SAR1A: variants seen among roughly 807,000 people sequenced by gnomAD.
The protein encoded by SAR1A is secretion associated Ras related GTPase 1A.
SAR1A carries 6 observed loss-of-function variants against 22.6 expected under a neutral mutation model. The observed-to-expected ratio is 0.27, with a 90% CI of 0.15 to 0.52. The LOEUF (loss-of-function observed/expected upper bound fraction) is 0.52, where lower values mean the gene tolerates loss of function less well. SAR1A is among the 20% of genes least tolerant of loss of function. The probability of loss-of-function intolerance (pLI) is 0.96; values close to 1 mark genes in which losing one functional copy is unlikely to be tolerated. For missense variants in SAR1A, 145 were observed against 245.1 expected (o/e 0.59, Z 2.73); for synonymous variants, 70 against 82.2 (o/e 0.85, Z 0.80).
At position 70,153,956 on chromosome 10, in the gene SAR1A, T is replaced by G; in HGVS notation, c.362A>C (p.Asp121Ala). ...SKVELNALMT[D>A]ETISNVPILI... ...GATTGGCACATTGGATATTGTTTCA[T>G]CAGTCATTAAAGCCTAAAGATTGAA... Residue 121 changes from aspartate (D) to alanine (A), a missense_variant, in exon 6 of 7, where the codon GAT becomes GCT. Physicochemically the swap from Asp to Ala is moderately radical, Grantham distance 126. This residue lies in a region of SAR1A where 83 missense variants were observed against 114.7 expected (regional missense o/e 0.72). Coordinates refer to ENST00000373241, the MANE Select transcript of SAR1A (RefSeq NM_020150.5). 6.3e-7 allele frequency: 1 copy of G among 1,586,202 alleles called. No individual in the cohort carries two copies. Among genetic ancestry groups the G allele is most frequent in the Non-Finnish European group, 8.6e-7 (1 of 1,168,868 alleles).
At chr10:70,156,165 A>T (rs114307305) in intron 5 of SAR1A, among the ~76,000 whole-genome samples, 1 of 152,288 alleles carries the variant, frequency 6.6e-6, no homozygotes, top group African/African-American at 2.4e-5. Flanking sequence ...AGAGCTCAGG[A>T]GAGGTCTAGA....
chr10:70,169,286 A>C (rs1347121333), intron 1 of SAR1A, among the ~76,000 whole-genome samples: 2 of 152,132 alleles, frequency 1.3e-5, no homozygotes, highest in Non-Finnish European at 2.9e-5. Context: ...AAAAACTAAA[A>C]CTTCTTTAAC....
chr10:70,152,743 T>C (rs1839340093), intron 6 of SAR1A, 151 bp from the exon 7 acceptor site: 1 of 618,310 alleles, frequency 1.6e-6, no homozygotes, highest in African/African-American at 1.8e-5. Flanking sequence ...TATAGATGAC[T>C]TCCCCAGGCT....
Position 70,148,271 on chromosome 10 carries a change from T to G in SAR1A, c.*4205A>C, listed in dbSNP as rs888396474. 1.3e-5 allele frequency: 2 copies of G among 152,252 alleles called. No homozygotes were observed. Among genetic ancestry groups the G allele is most frequent in the African/African-American group, 4.8e-5 (2 of 41,460 alleles). The allele number at this position is 152,252 out of a possible 1,614,324, so 9.4% of individuals were successfully genotyped here. On this transcript the variant is annotated 3_prime_UTR_variant, in exon 7 of 7. Coordinates refer to ENST00000373241, the MANE Select transcript of SAR1A (RefSeq NM_020150.5). ...TTCTGCCTGAATTCTTTAAATAAAG[T>G]TAACACTGCTTGGTATAACCCCAGC... is the stretch of plus-strand genomic sequence containing the variant.
At chr10:70,165,638 A>G (rs1231083640) in intron 1 of SAR1A, among the ~76,000 whole-genome samples, 3 of 152,234 alleles carry the variant, frequency 2.0e-5, no homozygotes, top group African/African-American at 7.2e-5. Flanking sequence ...ATAAGCAAAA[A>G]AAGTGGTTTT....
At chr10:70,169,407 C>T (rs1256814014) in intron 1 of SAR1A, among the ~76,000 whole-genome samples, 1 of 152,086 alleles carries the variant, frequency 6.6e-6, no homozygotes, top group Non-Finnish European at 1.5e-5. Context: ...ATTCTTGGTC[C>T]ATTGTACCAC....
rs527982098 is a variant in SAR1A, at chr10:70,150,706, C to T, written c.*1770G>A. ...ATTCACTGTTAGCTAGATTTGTTCACTTAAGGCTTTAACCCCTTTCCAAAC... is the reference window on the plus strand; with the variant it reads ...ATTCACTGTTAGCTAGATTTGTTCATTTAAGGCTTTAACCCCTTTCCAAAC... On this transcript the variant is annotated 3_prime_UTR_variant, in exon 7 of 7. Transcript: ENST00000373241. The T allele has an allele frequency of 2.0e-5, 3 of 152,248 alleles. No homozygotes were observed. Among genetic ancestry groups the T allele is most frequent in the Non-Finnish European group, 4.4e-5 (3 of 68,024 alleles). The allele number at this position is 152,248 out of a possible 1,614,324, so 9.4% of individuals were successfully genotyped here.
At chr10:70,152,994 G>A (rs1167067499) in intron 6 of SAR1A, among the ~76,000 whole-genome samples, 1 of 152,132 alleles carries the variant, frequency 6.6e-6, no homozygotes, top group East Asian at 1.9e-4. Flanking sequence ...ATAACAGGTG[G>A]CACTGAAGAA....
chr10:70,160,143 C>T (rs1839449700), intron 4 of SAR1A, among the ~76,000 whole-genome samples: 2 of 150,750 alleles, frequency 1.3e-5, no homozygotes, highest in South Asian at 2.1e-4. Flanking sequence ...TATATGATAC[C>T]GTATACCTGG....
chr10:70,153,543 C>T (rs558252322), intron 6 of SAR1A, among the ~76,000 whole-genome samples: 2 of 152,278 alleles, frequency 1.3e-5, no homozygotes, highest in Non-Finnish European at 2.9e-5. Context: ...CTAAAAAGGG[C>T]TATTTCAAAA....
Position 70,152,254 on chromosome 10 carries a change from G to A in SAR1A, c.*222C>T. 2 of 946,012 alleles carry A rather than the reference G, an allele frequency of 2.1e-6. No individual in the cohort carries two copies. The highest frequency in any genetic ancestry group is 2.8e-5 in the South Asian group (2 of 71,018). The allele number at this position is 946,012 out of a possible 1,614,324, so 58.6% of individuals were successfully genotyped here. On this transcript the variant is annotated 3_prime_UTR_variant, in exon 7 of 7. Transcript: ENST00000373241. ...AATCCTGCCAGCTTCCAAGTCCCAG[G>A]ATACTGACCTGCACCAGCACGTGGG...
rs1033771086 is a variant in SAR1A, at chr10:70,150,028, C to A, written c.*2448G>T. On this transcript the variant is annotated 3_prime_UTR_variant, in exon 7 of 7. Coordinates refer to ENST00000373241, the MANE Select transcript of SAR1A (RefSeq NM_020150.5). The stretch of plus-strand genomic sequence containing the variant: ...CTCTCAAGTAGTACTAAATCTATTA[C>A]TTCTAGTACCCCAGCCTTTTTCCCC... The A allele has an allele frequency of 6.6e-6, 1 of 152,132 alleles. No individual in the cohort carries two copies. Among genetic ancestry groups the A allele is most frequent in the Non-Finnish European group, 1.5e-5 (1 of 68,028 alleles). 9.4% of individuals were successfully genotyped at this position (152,132 alleles called of 1,614,324 possible).
At chr10:70,168,905 A>T (rs959003808) in intron 1 of SAR1A, among the ~76,000 whole-genome samples, 1 of 152,074 alleles carries the variant, frequency 6.6e-6, no homozygotes, top group Non-Finnish European at 1.5e-5. Flanking sequence ...GGCTCACTGC[A>T]GCCTCAACCT....
rs142153682 is a variant in SAR1A at position 70,164,706 on chromosome 10, T to C, written c.-16-2775A>G. On this transcript the variant is annotated intron_variant, in intron 1 of 6. Transcript: ENST00000373241. ...CAATTTGCCTCAAATCCATTCCAAG[T>C]TGTGTATTTGTTTTCCAATTAAAAA... 3.9e-5 allele frequency among the ~76,000 whole-genome samples: 6 copies of C among 152,326 alleles called. No homozygotes were observed. In the East Asian group the frequency reaches 1.2e-3, roughly 29 times the overall value.
intron 1 of SAR1A, chr10:70,162,969 T>G (rs1839495801): frequency 1.3e-5 from 2 of 152,284 alleles, no homozygotes; most frequent in South Asian, 4.1e-4. Context: ...ACAGCAAACT[T>G]GACTTCCTCC....
chr10:70,161,651 C>T lies in SAR1A; in HGVS notation c.146G>A (p.Arg49Lys), dbSNP rs78920048. The T allele has an allele frequency of 6.2e-7, 1 of 1,612,440 alleles. No individual in the cohort carries two copies. Among genetic ancestry groups the T allele is most frequent in the African/African-American group, 1.3e-5 (1 of 75,008 alleles). The stretch of plus-strand genomic sequence containing the variant: ...TAGTGTTGGAACATGTTGGCCCAAT[C>T]TGTCATCTTTGAGCATGTGAAGAAG... ...TTLLHMLKDD[R>K]LGQHVPTLHP... is the part of the protein sequence containing the mutation. Residue 49 changes from arginine (R) to lysine (K), a missense_variant, in exon 3 of 7, where the codon AGA becomes AAA. Around this residue, in one of 3 missense-constraint regions of SAR1A, gnomAD observed 40 missense variants for 105.7 expected, o/e 0.38. Transcript: ENST00000373241.
rs1839318088 is a variant in SAR1A, at chr10:70,150,926, C to G, written c.*1550G>C. The G allele has an allele frequency of 6.6e-6, 1 of 152,222 alleles. No individual in the cohort carries two copies. The highest frequency in any genetic ancestry group is 2.1e-4 in the South Asian group (1 of 4,822). The allele number at this position is 152,222 out of a possible 1,614,324, so 9.4% of individuals were successfully genotyped here. A position where few individuals can be genotyped will look rare whatever the true frequency, so the allele number is the denominator to read the frequency against. On this transcript the variant is annotated 3_prime_UTR_variant, in exon 7 of 7. Coordinates refer to ENST00000373241, the MANE Select transcript of SAR1A (RefSeq NM_020150.5). ...GCCTCCCTCACCCCAGTAATGTTAT[C>G]CACATTTTCCCTACCCTCACATTAG...
At chr10:70,168,750 G>T (rs1231508155) in intron 1 of SAR1A, among the ~76,000 whole-genome samples, 1 of 152,090 alleles carries the variant, frequency 6.6e-6, no homozygotes, top group Non-Finnish European at 1.5e-5. Flanking sequence ...AACTCTTCAG[G>T]TGAGCTAAAA....
intron 1 of SAR1A, among the ~76,000 whole-genome samples, chr10:70,162,469 C>G (rs576194719): frequency 3.8e-5 from 1 of 26,236 alleles, no homozygotes; most frequent in African/African-American, 1.5e-4. Context: ...GGAGGGGAGG[C>G]GGGGCAGGGG....
Sources: allele counts gnomAD v4.1 joint callset (sites outside exome capture counted in the v4.1 genomes callset), GRCh38; gene constraint gnomAD v4.1.1; regional missense constraint gnomAD v4.1.1; transcripts MANE v1.5; gene names NCBI Gene and HGNC (gene_info 2026-07-23, HGNC 2026-07-21).